Variants in DGKB observed in about 807,000 individuals in gnomAD.
DGKB encodes the protein 90 kDa diacylglycerol kinase.
Under a neutral mutation model 114.3 loss-of-function variants are expected in DGKB, and 67 were observed. The ratio of observed to expected loss-of-function variants is 0.59; its 90% CI spans 0.48 to 0.72. The LOEUF (loss-of-function observed/expected upper bound fraction) is 0.72. Among genes scored for constraint, DGKB ranks in the 30% least tolerant of loss-of-function variants. The pLI, the probability that DGKB is intolerant of heterozygous loss-of-function variation, is 0.00. For missense variants in DGKB, 907 were observed against 975.2 expected (o/e 0.93, Z 0.93); for synonymous variants, 398 against 323.1 (o/e 1.23, Z -2.49).
chr7:14,883,549 G>A (rs114830098), intron 1 of DGKB, among the ~76,000 whole-genome samples: 1 of 152,080 alleles, frequency 6.6e-6, no homozygotes, highest in African/African-American at 2.4e-5. Flanking sequence ...GAGATATAGA[G>A]ATGATAGAGT....
At chr7:14,287,719 G>A (rs115428259) in intron 23 of DGKB, among the ~76,000 whole-genome samples, 1,820 of 152,190 alleles carry the variant, frequency 0.012, 37 homozygotes, top group African/African-American at 0.041. Context: ...CATGAAGATG[G>A]AAAATAGAAA....
At chr7:14,810,264 A>G (rs1348730490) in intron 2 of DGKB, among the ~76,000 whole-genome samples, 2 of 152,198 alleles carry the variant, frequency 1.3e-5, no homozygotes, top group African/African-American at 2.4e-5. Flanking sequence ...CCTATTGTCT[A>G]GTTTCTACCA....
intron 23 of DGKB, among the ~76,000 whole-genome samples, chr7:14,212,774 G>A (rs528502827): frequency 6.6e-6 from 1 of 151,792 alleles, no homozygotes; most frequent in Admixed American, 6.6e-5. Context: ...TTTTTCTAAA[G>A]TACCTAGTCC....
At chr7:14,948,945 C>A (rs1786025368) in intron 1 of DGKB, among the ~76,000 whole-genome samples, 1 of 151,374 alleles carries the variant, frequency 6.6e-6, no homozygotes, top group South Asian at 2.1e-4. Flanking sequence ...AAACAAGAAA[C>A]AACTAAATGA....
At chr7:14,957,938 T>G (rs1786606490) in intron 1 of DGKB, among the ~76,000 whole-genome samples, 1 of 152,098 alleles carries the variant, frequency 6.6e-6, no homozygotes. Context: ...TAAAAGTATT[T>G]CTTTAAAATG....
At chr7:14,718,790 T>C (rs1564004307) in intron 5 of DGKB, 105 bp from the exon 6 acceptor site, 3 of 856,844 alleles carry the variant, frequency 3.5e-6, no homozygotes, top group South Asian at 1.9e-5. Context: ...GAAATTTATA[T>C]TTTTTAGGCA....
chr7:14,905,429 A>T (rs1440914936), upstream of DGKB, among the ~76,000 whole-genome samples: 1 of 151,674 alleles, frequency 6.6e-6, no homozygotes, highest in Non-Finnish European at 1.5e-5. Flanking sequence ...CTTACAAATC[A>T]CTCCCTTACA....
At chr7:14,959,129 TCTCATTTA>T (rs1786690519) in intron 1 of DGKB, among the ~76,000 whole-genome samples, 1 of 152,092 alleles carries the variant, frequency 6.6e-6, no homozygotes, top group Non-Finnish European at 1.5e-5. Flanking sequence ...AAATGTGTCT[TCTCATTTA>T]GGAATATTGA....
At chr7:14,348,927 G>A (rs1812947352) in intron 21 of DGKB, among the ~76,000 whole-genome samples, 1 of 151,946 alleles carries the variant, frequency 6.6e-6, no homozygotes, top group South Asian at 2.1e-4. Flanking sequence ...GGTAGGGTCT[G>A]TTTCAGAACA....
intron 13 of DGKB, among the ~76,000 whole-genome samples, chr7:14,641,436 AT>A (rs1489358845): frequency 1.3e-5 from 2 of 151,428 alleles, no homozygotes; most frequent in African/African-American, 4.9e-5. Context: ...GGGATTTAGC[AT>A]TTTCTTTAAA....
chr7:14,882,190 G>A (rs1201655866), intron 1 of DGKB, among the ~76,000 whole-genome samples: 2 of 151,966 alleles, frequency 1.3e-5, no homozygotes, highest in African/African-American at 4.8e-5. Context: ...GGATATATTT[G>A]GGAGTCTGAA....
chr7:14,234,838 A>ATAAT (rs2128349097), intron 23 of DGKB, among the ~76,000 whole-genome samples: 1 of 152,180 alleles, frequency 6.6e-6, no homozygotes, highest in South Asian at 2.1e-4. Context: ...CCAACATTTC[A>ATAAT]TAATTATATC....
chr7:14,341,684 GAAGACGGTTTC>G lies in DGKB; in HGVS notation c.1927-2985_1927-2975del, dbSNP rs571602682. On this transcript the variant is annotated intron_variant, in intron 22 of 25. Transcript: ENST00000402815. ...AGAGACAAATATAATTAAAAGAAAA[GAAGACGGTTTC>G]AATTTTTCTGCCAATGTGTTTTAAC... Among the ~76,000 whole-genome samples the G allele has an allele frequency of 5.3e-5, 8 of 151,964 alleles. 1 individual carries two copies. The South Asian group carries it at 1.7e-3, about 31-fold the overall frequency.
intron 1 of DGKB, among the ~76,000 whole-genome samples, chr7:14,939,765 C>T (rs1293307621): frequency 1.3e-5 from 2 of 151,490 alleles, no homozygotes; most frequent in African/African-American, 4.9e-5. Flanking sequence ...AGGTACCCAC[C>T]ACGACGCCCA....
chr7:14,176,373 T>A (rs1192314272), intron 25 of DGKB: 1 of 984,756 alleles, frequency 1.0e-6, no homozygotes, highest in East Asian at 1.1e-4. Flanking sequence ...TGGTAGAAAC[T>A]GGAGAGAAAT....
intron 6 of DGKB, among the ~76,000 whole-genome samples, chr7:14,705,484 G>A (rs1183337327): frequency 6.6e-6 from 1 of 150,632 alleles, no homozygotes; most frequent in South Asian, 2.1e-4. Context: ...AAAGATACTC[G>A]AGAAGAGCAA....
chr7:14,307,060 A>G (rs928533752), intron 23 of DGKB, among the ~76,000 whole-genome samples: 1 of 141,956 alleles, frequency 7.0e-6, no homozygotes, highest in African/African-American at 2.6e-5. Flanking sequence ...ATCATACTTT[A>G]TTATAATTAC....
chr7:14,554,669 T>C (rs1425765593), intron 20 of DGKB, among the ~76,000 whole-genome samples: 2 of 152,184 alleles, frequency 1.3e-5, no homozygotes, highest in Non-Finnish European at 2.9e-5. Context: ...TCAATAAGTA[T>C]GACAGCATCA....
At chr7:14,207,777 C>G (rs1026212955) in intron 23 of DGKB, among the ~76,000 whole-genome samples, 1 of 151,768 alleles carries the variant, frequency 6.6e-6, no homozygotes, top group African/African-American at 2.4e-5. Flanking sequence ...TACTTGGGAA[C>G]CAGGGCACAC....
Sources: allele counts gnomAD v4.1 joint callset (sites outside exome capture counted in the v4.1 genomes callset), GRCh38; gene constraint gnomAD v4.1.1; transcripts MANE v1.5; gene names NCBI Gene and HGNC (gene_info 2026-07-23, HGNC 2026-07-21).